POU2AF1: variants seen among roughly 807,000 people sequenced by gnomAD.
POU2AF1 encodes POU class 2 homeobox associating factor 1, also known as POU domain class 2-associating factor 1.
POU2AF1 carries 12 observed loss-of-function variants against 26.3 expected under a neutral mutation model. The ratio of observed to expected loss-of-function variants is 0.46; its 90% CI spans 0.29 to 0.74. The LOEUF is 0.74. Ranked by LOEUF, POU2AF1 falls within the 30% of genes least tolerant of loss-of-function variation. The pLI is 0.09. For missense variants in POU2AF1, 297 were observed against 334.5 expected (o/e 0.89, Z 0.87); for synonymous variants, 175 against 148.0 (o/e 1.18, Z -1.32).
chr11:111,361,380 C>T (rs182778175), intron 1 of POU2AF1, among the ~76,000 whole-genome samples: 1 of 152,306 alleles, frequency 6.6e-6, no homozygotes, highest in Admixed American at 6.5e-5. Flanking sequence ...CCACACATAC[C>T]TGTATTCAAA....
At position 111,353,820 on chromosome 11, in the gene POU2AF1, T is replaced by C. The variant is rs576455551; in HGVS notation, c.*441A>G. On this transcript the variant is annotated 3_prime_UTR_variant, in exon 5 of 5. Transcript: ENST00000393067. ...TGGCAACATTTGACATAAAATGTTA[T>C]TGCTAAAATCCCTATAATTACCTCC... 4 of 266,098 alleles carry C rather than the reference T, an allele frequency of 1.5e-5. No homozygotes were observed. Among genetic ancestry groups the C allele is most frequent in the Admixed American group, 5.5e-5 (1 of 18,226 alleles). 16.5% of individuals were successfully genotyped at this position (266,098 alleles called of 1,614,324 possible). A position where few individuals can be genotyped will look rare whatever the true frequency, so the allele number is the denominator to read the frequency against.
chr11:111,367,728 A>G (rs1207061581), intron 1 of POU2AF1, among the ~76,000 whole-genome samples: 1 of 152,234 alleles, frequency 6.6e-6, no homozygotes, highest in Non-Finnish European at 1.5e-5. Context: ...TCCCCAAGAA[A>G]TGGTGTTGCC....
chr11:111,360,249 C>A (rs904486763), intron 1 of POU2AF1, among the ~76,000 whole-genome samples: 1 of 152,160 alleles, frequency 6.6e-6, no homozygotes, highest in Non-Finnish European at 1.5e-5. Context: ...CACAGGGAGC[C>A]CATTATTATC....
At chr11:111,363,989 A>G in intron 1 of POU2AF1, 1 of 985,322 alleles carries the variant, frequency 1.0e-6, no homozygotes, top group Non-Finnish European at 1.2e-6. Context: ...TTTCTATACC[A>G]CTGGAAGTCA....
chr11:111,358,382 A>T (rs1051161458), intron 2 of POU2AF1, among the ~76,000 whole-genome samples: 1,296 of 77,614 alleles, frequency 0.017, 25 homozygotes, highest in African/African-American at 0.045. Context: ...ACACTCTCTC[A>T]CACACACTCC....
intron 4 of POU2AF1, among the ~76,000 whole-genome samples, chr11:111,355,056 G>A (rs1001367478): frequency 3.3e-5 from 5 of 152,178 alleles, no homozygotes; most frequent in African/African-American, 9.7e-5. Context: ...AAGACAGTCC[G>A]GGCTCCACAC....
Position 111,357,886 on chromosome 11 carries a change from C to G in POU2AF1, c.148-49G>C, listed in dbSNP as rs374789592. On this transcript the variant is annotated intron_variant, in intron 2 of 4. Transcript: ENST00000393067. ...GGGTCAATGTTTAGCCCTCGTCAAC[C>G]GGCCCTGTGCAGAGAACTTGCCCAG... is the stretch of plus-strand genomic sequence containing the variant. The G allele has an allele frequency of 3.5e-5, 54 of 1,533,270 alleles. No individual in the cohort carries two copies. The African/African-American group carries it at 6.5e-4, about 19-fold the overall frequency. The allele number at this position is 1,533,270 out of a possible 1,614,324, so 95.0% of individuals were successfully genotyped here.
rs919452105 is a variant in POU2AF1 at position 111,352,404 on chromosome 11, A to T, written c.*1857T>A. On this transcript the variant is annotated 3_prime_UTR_variant, in exon 5 of 5. Coordinates refer to ENST00000393067, the MANE Select transcript of POU2AF1 (RefSeq NM_006235.3). Reference sequence around the variant, plus strand: ...GCTTAATAGTGACGATGGTGCTATTAGCAGGTGGGTGAGCCAGTTCCCAAG... The same window carrying T: ...GCTTAATAGTGACGATGGTGCTATTTGCAGGTGGGTGAGCCAGTTCCCAAG... 5.3e-6 allele frequency: 1 copy of T among 187,246 alleles called. No individual in the cohort carries two copies. The highest frequency in any genetic ancestry group is 1.1e-5 in the Non-Finnish European group (1 of 88,820). The allele number at this position is 187,246 out of a possible 1,614,324, so 11.6% of individuals were successfully genotyped here. A position where few individuals can be genotyped will look rare whatever the true frequency, so the allele number is the denominator to read the frequency against.
intron 1 of POU2AF1, chr11:111,360,019 G>A (rs767345673): frequency 9.6e-6 from 5 of 518,876 alleles, no homozygotes; most frequent in African/African-American, 9.6e-5. Context: ...GCTGCTGAGG[G>A]AAGGTTTCCT....
chr11:111,361,423 A>G (rs759084455), intron 1 of POU2AF1, among the ~76,000 whole-genome samples: 113 of 152,348 alleles, frequency 7.4e-4, no homozygotes, highest in Middle Eastern at 3.4e-3. Flanking sequence ...GAAAGTTCTT[A>G]GATTTATTTA....
chr11:111,362,056 G>A (rs886516118), intron 1 of POU2AF1, among the ~76,000 whole-genome samples: 2 of 152,148 alleles, frequency 1.3e-5, no homozygotes, highest in South Asian at 2.1e-4. Flanking sequence ...GGTGCCCAGC[G>A]ATGACCACAG....
intron 1 of POU2AF1, chr11:111,363,177 A>G: frequency 9.9e-7 from 1 of 1,013,542 alleles, no homozygotes; most frequent in Admixed American, 5.9e-5. Flanking sequence ...CTAAGTCCCC[A>G]CCTCTTCCTA....
chr11:111,356,953 A>T (rs1214466503), intron 4 of POU2AF1, among the ~76,000 whole-genome samples: 2 of 152,238 alleles, frequency 1.3e-5, no homozygotes, highest in Non-Finnish European at 2.9e-5. Context: ...ACAGAACTTT[A>T]AAAAATTACC....
chr11:111,363,828 C>G (rs994246812), intron 1 of POU2AF1: 1 of 985,244 alleles, frequency 1.0e-6, no homozygotes, highest in Non-Finnish European at 1.2e-6. Flanking sequence ...CTGAAGCTTT[C>G]TCACCATTAA....
intron 1 of POU2AF1, among the ~76,000 whole-genome samples, chr11:111,365,253 C>T (rs1006302613): frequency 2.0e-5 from 3 of 152,158 alleles, no homozygotes; most frequent in African/African-American, 7.2e-5. Context: ...CTCAGCTTTG[C>T]TAACAAATGG....
At chr11:111,363,333 C>T (rs1028134737) in intron 1 of POU2AF1, 3 of 1,024,478 alleles carry the variant, frequency 2.9e-6, no homozygotes, top group African/African-American at 1.7e-5. Flanking sequence ...GCAAAGTGCT[C>T]ATGAAATATC....
intron 1 of POU2AF1, among the ~76,000 whole-genome samples, chr11:111,367,515 C>A (rs1020850049): frequency 4.6e-5 from 7 of 151,582 alleles, no homozygotes; most frequent in African/African-American, 1.7e-4. Flanking sequence ...TGTCCTCAAC[C>A]AAGCCCAGGA....
intron 1 of POU2AF1, among the ~76,000 whole-genome samples, chr11:111,370,217 A>G (rs1861182646): frequency 6.6e-6 from 1 of 152,202 alleles, no homozygotes; most frequent in Non-Finnish European, 1.5e-5. Flanking sequence ...TTGCTAACCA[A>G]TGGCCCTCAT....
At chr11:111,363,744 C>T in intron 1 of POU2AF1, 2 of 876,682 alleles carry the variant, frequency 2.3e-6, no homozygotes, top group Non-Finnish European at 2.7e-6. Context: ...GCCCAATTTC[C>T]CACAGTAGAG....
Sources: gnomAD v4.1 joint callset for allele counts (sites outside exome capture counted in the v4.1 genomes callset) on GRCh38, gnomAD v4.1.1 for gene constraint, MANE v1.5 for transcripts, NCBI Gene and HGNC (gene_info 2026-07-23, HGNC 2026-07-21) for gene names.